BICRAL: variants seen among roughly 807,000 people sequenced by gnomAD.
The protein encoded by BICRAL is BICRA like chromatin remodeling complex associated protein.
A neutral mutation model predicts 91.8 loss-of-function variants in BICRAL; 8 were observed. The ratio of observed to expected loss-of-function variants is 0.09; its 90% CI spans 0.05 to 0.16. The LOEUF is 0.16. Ranked by LOEUF, BICRAL falls within the 10% of genes least tolerant of loss-of-function variation. BICRAL has a pLI of 1.00. For synonymous variants in BICRAL, 445 were observed against 491.1 expected (o/e 0.91, Z 1.24); for missense variants, 1,038 against 1,310.9 (o/e 0.79, Z 3.21).
Position 42,829,222 on chromosome 6 carries a change from A to G in BICRAL, c.889A>G (p.Ile297Val). ...FQTSLPVHNI[I>V]IQRGLAPNSN... ...AACATCTTTACCTGTGCATAACATC[A>G]TCATACAAAGGGGTCTTGCACCAAA... The change falls in exon 6 of 13, where the codon ATC becomes GTC. Residue 297 changes from isoleucine (I) to valine (V), a missense_variant. Transcript: ENST00000314073. 1 of 1,614,178 alleles carries G rather than the reference A, an allele frequency of 6.2e-7. No individual in the cohort carries two copies.
intron 2 of BICRAL, among the ~76,000 whole-genome samples, chr6:42,818,492 C>T (rs575477517): frequency 6.6e-6 from 1 of 152,076 alleles, no homozygotes; most frequent in African/African-American, 2.4e-5. Context: ...AGGTATTTTT[C>T]TTAGTTATTT....
At position 42,755,158 on chromosome 6, in the gene BICRAL, G is replaced by C. The variant is rs184452799; in HGVS notation, c.-261+8135G>C. ...TTTGAAAACCCTGGGGGAATAGGGA[G>C]AGTGTTGTCCAGAGAAATGGGGCTG... On this transcript the variant is annotated intron_variant, in intron 1 of 14. Coordinates refer to the BICRAL transcript ENST00000614467. 2.6e-3 allele frequency among the ~76,000 whole-genome samples: 376 copies of C among 147,216 alleles called. 7 individuals carry two copies. In the East Asian group the frequency reaches 0.03, roughly 12 times the overall value.
At chr6:42,808,230 T>C (rs915435861) in intron 1 of BICRAL, among the ~76,000 whole-genome samples, 14 of 151,890 alleles carry the variant, frequency 9.2e-5, no homozygotes, top group Non-Finnish European at 1.5e-4. Context: ...CTTCCAGGTT[T>C]AAGCGATTCT....
At chr6:42,857,593 T>C (rs1157541047) in intron 10 of BICRAL, among the ~76,000 whole-genome samples, 1 of 105,720 alleles carries the variant, frequency 9.5e-6, no homozygotes, top group Non-Finnish European at 1.9e-5. Context: ...AGGGAGACAC[T>C]GTCTCTTAAA....
At chr6:42,849,949 A>G (rs1385657736) in intron 6 of BICRAL, among the ~76,000 whole-genome samples, 13 of 152,074 alleles carry the variant, frequency 8.5e-5, no homozygotes, top group Admixed American at 5.9e-4. Flanking sequence ...AAGCAAGAGA[A>G]TCGCTTGAAC....
Position 42,841,183 on chromosome 6 carries a change from A to T in BICRAL, c.1840-10909A>T, listed in dbSNP as rs112076369. ...AGTGCCTGAATGATCACTCTTGAATATTTTTTTTTTTTTTTTTTTTTTTTG... is the reference window on the plus strand; with the variant it reads ...AGTGCCTGAATGATCACTCTTGAATTTTTTTTTTTTTTTTTTTTTTTTTTG... On this transcript the variant is annotated intron_variant, in intron 6 of 12. Coordinates refer to ENST00000314073, the MANE Select transcript of BICRAL (RefSeq NM_001393499.1). Among the ~76,000 whole-genome samples, 134 of 80,678 alleles carry T rather than the reference A, an allele frequency of 1.7e-3. 1 individual carries two copies. The highest frequency in any genetic ancestry group is 5.2e-3 in the African/African-American group (89 of 17,214). 52.9% of individuals were successfully genotyped at this position (80,678 alleles called of 152,430 possible).
upstream of BICRAL, among the ~76,000 whole-genome samples, chr6:42,777,984 A>C (rs183295518): frequency 2.6e-4 from 40 of 152,336 alleles, no homozygotes; most frequent in East Asian, 6.7e-3. Flanking sequence ...TATATAAACT[A>C]TAATTTTAAA....
At chr6:42,837,757 A>G (rs1764684113) in intron 6 of BICRAL, among the ~76,000 whole-genome samples, 1 of 152,024 alleles carries the variant, frequency 6.6e-6, no homozygotes, top group South Asian at 2.1e-4. Flanking sequence ...ATCTCAAAAA[A>G]AAAAAAAAGA....
At chr6:42,761,627 G>T (rs1762551541) in intron 1 of BICRAL, among the ~76,000 whole-genome samples, 1 of 151,982 alleles carries the variant, frequency 6.6e-6, no homozygotes, top group African/African-American at 2.4e-5. Context: ...TTACTTCTTG[G>T]CTGGGCACAG....
chr6:42,841,183 ATTTTT>A (rs70990150), intron 6 of BICRAL, among the ~76,000 whole-genome samples: 4 of 80,680 alleles, frequency 5.0e-5, no homozygotes, highest in African/African-American at 1.2e-4. Context: ...ACTCTTGAAT[ATTTTT>A]TTTTTTTTTT....
chr6:42,781,991 C>T (rs1366814733), upstream of BICRAL: 1 of 145,118 alleles, frequency 6.9e-6, no homozygotes, highest in Non-Finnish European at 1.5e-5. Flanking sequence ...GCCGCTCGGC[C>T]GGGAGCTCCC....
intron 2 of BICRAL, among the ~76,000 whole-genome samples, chr6:42,813,342 G>A (rs1212940943): frequency 1.3e-5 from 2 of 151,374 alleles, no homozygotes; most frequent in African/African-American, 2.4e-5. Flanking sequence ...AGTGTCCAGA[G>A]GAAAAAATGA....
chr6:42,802,807 A>G (rs910488457), intron 1 of BICRAL, among the ~76,000 whole-genome samples: 4 of 151,876 alleles, frequency 2.6e-5, no homozygotes, highest in African/African-American at 4.8e-5. Flanking sequence ...TCTTGAACTC[A>G]TGCACATAAA....
chr6:42,786,438 A>G (rs1442210335), intron 1 of BICRAL, among the ~76,000 whole-genome samples: 2 of 151,882 alleles, frequency 1.3e-5, no homozygotes, highest in Non-Finnish European at 2.9e-5. Flanking sequence ...CAAAGTAATT[A>G]TAATCTTTGA....
intron 1 of BICRAL, among the ~76,000 whole-genome samples, chr6:42,803,358 T>G (rs545331917): frequency 6.6e-6 from 1 of 152,252 alleles, no homozygotes; most frequent in African/African-American, 2.4e-5. Context: ...GGGAATCAGT[T>G]GATTCCTCAC....
chr6:42,781,545 T>TG (rs1491448835), upstream of BICRAL, among the ~76,000 whole-genome samples: 1 of 148,818 alleles, frequency 6.7e-6, no homozygotes, highest in African/African-American at 2.5e-5. Flanking sequence ...TTTTTTTTTT[T>TG]GTCTTTAATC....
At chr6:42,782,810 G>C (rs1288810840) in intron 1 of BICRAL, among the ~76,000 whole-genome samples, 1 of 152,118 alleles carries the variant, frequency 6.6e-6, no homozygotes, top group Non-Finnish European at 1.5e-5. Context: ...GGGGCCGCGA[G>C]CAGGGGGCAG....
At chr6:42,816,511 T>C (rs1161274771) in intron 2 of BICRAL, among the ~76,000 whole-genome samples, 1 of 152,044 alleles carries the variant, frequency 6.6e-6, no homozygotes, top group Non-Finnish European at 1.5e-5. Context: ...ACTGCAACCT[T>C]CATGTCCTGG....
At chr6:42,771,280 C>G (rs1383132132) in intron 1 of BICRAL, among the ~76,000 whole-genome samples, 2 of 152,254 alleles carry the variant, frequency 1.3e-5, no homozygotes, top group Non-Finnish European at 2.9e-5. Context: ...CGGGCCGCCG[C>G]TGCGCCCGTG....
Sources: allele counts gnomAD v4.1 joint callset (sites outside exome capture counted in the v4.1 genomes callset), GRCh38; gene constraint gnomAD v4.1.1; transcripts MANE v1.5; gene names NCBI Gene and HGNC (gene_info 2026-07-23, HGNC 2026-07-21).